ICA1L: variants seen among roughly 807,000 people sequenced by gnomAD.
The protein encoded by ICA1L is islet cell autoantigen 1-like protein.
ICA1L carries 50 observed loss-of-function variants against 61.3 expected under a neutral mutation model. The observed-to-expected ratio is 0.82, with a 90% CI of 0.65 to 1.03. The LOEUF is 1.03. ICA1L is among the 50% of genes least tolerant of loss of function. The pLI is 0.00. For synonymous variants in ICA1L, 161 were observed against 191.3 expected, an observed-to-expected ratio of 0.84 and a Z score of 1.31; for missense variants, 508 against 556.7, an observed-to-expected ratio of 0.91 and a Z score of 0.88.
chr2:202,828,679 C>T (rs1693916319), intron 2 of ICA1L, among the ~76,000 whole-genome samples, 169 bp downstream of exon 2: 1 of 152,144 alleles, frequency 6.6e-6, no homozygotes, highest in African/African-American at 2.4e-5. Flanking sequence ...TTGTGAGAGC[C>T]GTGACCTCCT....
intron 1 of ICA1L, among the ~76,000 whole-genome samples, chr2:202,837,558 A>G (rs547541289): frequency 6.6e-6 from 1 of 152,144 alleles, no homozygotes; most frequent in African/African-American, 2.4e-5. Flanking sequence ...AGCGTGAGCC[A>G]CCGCACCCGG....
chr2:202,833,532 C>CTA (rs1279699673), intron 1 of ICA1L, among the ~76,000 whole-genome samples: 1 of 152,118 alleles, frequency 6.6e-6, no homozygotes, highest in African/African-American at 2.4e-5. Context: ...CTGCAGTGAA[C>CTA]TATAATCACA....
rs1338017537 is a variant in ICA1L at position 202,821,593 on chromosome 2, G to A, written c.236-112C>T. On this transcript the variant is annotated intron_variant, in intron 3 of 12. Transcript: ENST00000358299. ...CTCTCTATACAAGATTTACTTAGGG[G>A]AAGAAGAAGAGAGACTTATTTTTTA... 3 of 719,098 alleles carry A rather than the reference G, an allele frequency of 4.2e-6. No homozygotes were observed. In the African/African-American group the frequency reaches 5.5e-5, roughly 13 times the overall value. 44.5% of individuals were successfully genotyped at this position (719,098 alleles called of 1,614,324 possible).
At chr2:202,845,537 G>T (rs932302837) in intron 1 of ICA1L, among the ~76,000 whole-genome samples, 28 of 151,234 alleles carry the variant, frequency 1.9e-4, no homozygotes, top group Non-Finnish European at 3.2e-4. Context: ...TGAGGCAGAA[G>T]AATCACTTGA....
chr2:202,787,332 A>G (rs1486829009), intron 11 of ICA1L, among the ~76,000 whole-genome samples: 1 of 152,250 alleles, frequency 6.6e-6, no homozygotes, highest in Non-Finnish European at 1.5e-5. Flanking sequence ...CTAAAAGTTC[A>G]GTGCTGCTAG....
Position 202,776,767 on chromosome 2 carries a change from T to C in ICA1L, c.*2766A>G, listed in dbSNP as rs1692235464. ...TGCTCTGGGTTAAATGGGAAACATA[T>C]ACTCTGTTGAAAGAAGAAATGTTAT... On this transcript the variant is annotated 3_prime_UTR_variant, in exon 13 of 13. Transcript: ENST00000358299. 6.6e-6 allele frequency: 1 copy of C among 152,200 alleles called. No individual in the cohort carries two copies. The allele number at this position is 152,200 out of a possible 1,614,324, so 9.4% of individuals were successfully genotyped here.
At chr2:202,825,116 G>A (rs1464067130) in intron 3 of ICA1L, among the ~76,000 whole-genome samples, 2 of 152,192 alleles carry the variant, frequency 1.3e-5, no homozygotes, top group Non-Finnish European at 2.9e-5. Flanking sequence ...GAATTTAACT[G>A]CAAGGGCAAG....
chr2:202,861,643 T>C (rs1465130994), intron 1 of ICA1L, among the ~76,000 whole-genome samples: 1 of 151,626 alleles, frequency 6.6e-6, no homozygotes, highest in Non-Finnish European at 1.5e-5. Flanking sequence ...TCCCAGAACT[T>C]TGGGAGGCTG....
chr2:202,845,979 T>C (rs1694453590), intron 1 of ICA1L, among the ~76,000 whole-genome samples: 1 of 152,218 alleles, frequency 6.6e-6, no homozygotes, highest in African/African-American at 2.4e-5. Flanking sequence ...AGCCATGAGT[T>C]TTCTTACGAA....
chr2:202,803,010 C>G (rs1693123659), intron 9 of ICA1L, among the ~76,000 whole-genome samples: 1 of 151,912 alleles, frequency 6.6e-6, no homozygotes, highest in African/African-American at 2.4e-5. Context: ...TGACAATAAA[C>G]AAATGGGCTA....
chr2:202,799,876 TA>T (rs1272877064), intron 9 of ICA1L, among the ~76,000 whole-genome samples: 1 of 150,644 alleles, frequency 6.6e-6, no homozygotes, highest in African/African-American at 2.4e-5. Context: ...GGCTGCTTTA[TA>T]CTTTTTTTTT....
At chr2:202,821,269 GT>G (rs1693694914) in intron 4 of ICA1L, 88 bp downstream of exon 4, 3 of 1,290,186 alleles carry the variant, frequency 2.3e-6, no homozygotes, top group Non-Finnish European at 3.2e-6. Context: ...AGAATGAACA[GT>G]GACCTTTACA....
chr2:202,821,588 T>C, intron 3 of ICA1L, 107 bp from the exon 4 acceptor site: 1 of 762,418 alleles, frequency 1.3e-6, no homozygotes, highest in Middle Eastern at 3.1e-4. Flanking sequence ...AAGATTTACT[T>C]AGGGGAAGAA....
At chr2:202,831,618 G>A (rs1391145229) in intron 1 of ICA1L, among the ~76,000 whole-genome samples, 1 of 152,042 alleles carries the variant, frequency 6.6e-6, no homozygotes. Context: ...TCCTGTCCTC[G>A]CAACCACTCT....
At chr2:202,793,128 G>A (rs1488314917) in intron 10 of ICA1L, among the ~76,000 whole-genome samples, 2 of 151,902 alleles carry the variant, frequency 1.3e-5, no homozygotes, top group African/African-American at 4.8e-5. Context: ...GAAATTTATG[G>A]TATTTAAATT....
At chr2:202,781,482 G>A (rs528862544) in intron 12 of ICA1L, among the ~76,000 whole-genome samples, 5 of 151,140 alleles carry the variant, frequency 3.3e-5, no homozygotes, top group East Asian at 2.0e-4. Flanking sequence ...GCTGAGGCAT[G>A]AGAATTGCTT....
chr2:202,857,001 G>GAGGAT (rs1694786254), intron 1 of ICA1L, among the ~76,000 whole-genome samples: 3 of 152,076 alleles, frequency 2.0e-5, no homozygotes, highest in Admixed American at 6.6e-5. Flanking sequence ...CAAATGCAAA[G>GAGGAT]ACATTCCAAG....
chr2:202,782,413 G>GTT (rs796661700), intron 12 of ICA1L, among the ~76,000 whole-genome samples: 2 of 149,470 alleles, frequency 1.3e-5, no homozygotes, highest in African/African-American at 2.4e-5. Flanking sequence ...TTTGTTTTTG[G>GTT]TTTTTTTTTT....
chr2:202,860,765 A>C (rs1694889008), intron 1 of ICA1L, among the ~76,000 whole-genome samples: 1 of 152,210 alleles, frequency 6.6e-6, no homozygotes, highest in Non-Finnish European at 1.5e-5. Context: ...AAAAAAGAAA[A>C]GAAAGAAACA....
Sources: allele counts gnomAD v4.1 joint callset (sites outside exome capture counted in the v4.1 genomes callset), GRCh38; gene constraint gnomAD v4.1.1; transcripts MANE v1.5; gene names NCBI Gene and HGNC (gene_info 2026-07-23, HGNC 2026-07-21).